Variants in ZDHHC14 observed in about 807,000 individuals in gnomAD.
ZDHHC14 encodes the protein zDHHC palmitoyltransferase 14, also known as palmitoyltransferase ZDHHC14.
Under a neutral mutation model 47.7 loss-of-function variants are expected in ZDHHC14, and 16 were observed. The ratio of observed to expected loss-of-function variants is 0.34; its 90% CI spans 0.23 to 0.51. ZDHHC14 has a LOEUF of 0.51. Ranked by LOEUF, ZDHHC14 falls within the 20% of genes least tolerant of loss-of-function variation. The pLI is 0.97. For synonymous variants in ZDHHC14, 293 were observed against 278.9 expected, an observed-to-expected ratio of 1.05 and a Z score of -0.50; for missense variants, 515 against 662.5, an observed-to-expected ratio of 0.78 and a Z score of 2.44.
rs556008687 is a variant in ZDHHC14 at position 157,423,203 on chromosome 6, G to A, written c.245+40937G>A. On this transcript the variant is annotated intron_variant, in intron 1 of 8. Coordinates refer to ENST00000359775, the MANE Select transcript of ZDHHC14 (RefSeq NM_024630.3). ...CTACTGACTTTTCATGTGACTTTAG[G>A]CCTTAATTTTCCCACCTCAAAAATG... Among the ~76,000 whole-genome samples the A allele has an allele frequency of 4.6e-5, 7 of 152,220 alleles. No homozygotes were observed. The South Asian group carries it at 1.5e-3, about 32-fold the overall frequency.
At chr6:157,604,013 G>A (rs1784436334) in intron 3 of ZDHHC14, among the ~76,000 whole-genome samples, 1 of 152,168 alleles carries the variant, frequency 6.6e-6, no homozygotes, top group Non-Finnish European at 1.5e-5. Flanking sequence ...TATACTAAGA[G>A]AAAAAATTAT....
chr6:157,458,849 ATTTTTTTTT>A (rs750975822), intron 1 of ZDHHC14, among the ~76,000 whole-genome samples: 1 of 81,226 alleles, frequency 1.2e-5, no homozygotes, highest in Non-Finnish European at 2.3e-5. Context: ...ATGTGGGTGG[ATTTTTTTTT>A]TTTTTTTTTT....
chr6:157,487,053 A>G (rs1448444553), intron 1 of ZDHHC14, among the ~76,000 whole-genome samples: 2 of 152,242 alleles, frequency 1.3e-5, no homozygotes, highest in African/African-American at 4.8e-5. Context: ...CATAAGTAAT[A>G]ATTAAAAGAG....
chr6:157,620,661 G>C (rs1445518635), intron 3 of ZDHHC14, among the ~76,000 whole-genome samples: 1 of 152,192 alleles, frequency 6.6e-6, no homozygotes, highest in East Asian at 1.9e-4. Context: ...GGACACAAAG[G>C]CCAGGCCTGG....
At chr6:157,671,959 T>G (rs1258062360) in intron 8 of ZDHHC14, among the ~76,000 whole-genome samples, 5 of 152,242 alleles carry the variant, frequency 3.3e-5, no homozygotes, top group Non-Finnish European at 5.9e-5. Context: ...CCAGGGCTTC[T>G]TCATCTTCCA....
In ZDHHC14 at chr6:157,599,898, AAT is replaced by A. The variant is rs774317566; in HGVS notation, c.565+6757_565+6758del. Among the ~76,000 whole-genome samples, 33 of 152,344 alleles carry A rather than the reference AAT, an allele frequency of 2.2e-4. No individual in the cohort carries two copies. In the Middle Eastern group the frequency reaches 0.01, roughly 47 times the overall value. On this transcript the variant is annotated intron_variant, in intron 3 of 8. Transcript: ENST00000359775. ...AGATGGTTTTCTATAATTATTGAGA[AAT>A]ATATTATTTTGCCGTTGTGTTAACT...
chr6:157,387,427 C>T (rs1330021887), intron 1 of ZDHHC14, among the ~76,000 whole-genome samples: 1 of 152,134 alleles, frequency 6.6e-6, no homozygotes, highest in Non-Finnish European at 1.5e-5. Context: ...TTCTTACCAC[C>T]CCCTGGCCAT....
At chr6:157,637,398 TA>T (rs1230950882) in intron 5 of ZDHHC14, among the ~76,000 whole-genome samples, 3 of 152,206 alleles carry the variant, frequency 2.0e-5, no homozygotes, top group Non-Finnish European at 4.4e-5. Flanking sequence ...AGAGAAATGC[TA>T]AACTCAAGAC....
chr6:157,531,313 C>T (rs1480932085), intron 1 of ZDHHC14, among the ~76,000 whole-genome samples: 1 of 151,974 alleles, frequency 6.6e-6, no homozygotes, highest in African/African-American at 2.4e-5. Context: ...CATGCCGTTC[C>T]AGAGTCCAGT....
rs757342855 is a variant in ZDHHC14, at chr6:157,633,165, G to GT, written c.752+284dup. 3.9e-5 allele frequency among the ~76,000 whole-genome samples: 6 copies of GT among 152,294 alleles called. No homozygotes were observed. In the South Asian group the frequency reaches 1.2e-3, roughly 32 times the overall value. ...TTCAGTCAGGTTGGTTTGGGGAGAAGTAGGGCTGTGAGCTGCAACTGATCT... is the reference window on the plus strand; with the variant it reads ...TTCAGTCAGGTTGGTTTGGGGAGAAGTTAGGGCTGTGAGCTGCAACTGATCT... On this transcript the variant is annotated intron_variant, in intron 5 of 8. Transcript: ENST00000359775.
At chr6:157,495,695 A>ATTTTTTTTTTTTTTTTTTT (rs71027341) in intron 1 of ZDHHC14, among the ~76,000 whole-genome samples, 1 of 104,350 alleles carries the variant, frequency 9.6e-6, no homozygotes, top group Non-Finnish European at 1.9e-5. Flanking sequence ...TTCGGGTTGA[A>ATTTTTTTTTTTTTTTTTTT]TTTTTTTTTT....
At chr6:157,435,867 A>C (rs1778431109) in intron 1 of ZDHHC14, among the ~76,000 whole-genome samples, 1 of 152,124 alleles carries the variant, frequency 6.6e-6, no homozygotes, top group Non-Finnish European at 1.5e-5. Flanking sequence ...ACTGTATCCC[A>C]AGGGCCTGGC....
intron 1 of ZDHHC14, among the ~76,000 whole-genome samples, chr6:157,398,087 C>T (rs540235492): frequency 1.6e-4 from 23 of 147,748 alleles, no homozygotes; most frequent in South Asian, 1.3e-3. Context: ...GCTCCCCAGC[C>T]CCCCCCGGCT....
chr6:157,610,549 G>A (rs1295065824), intron 3 of ZDHHC14, among the ~76,000 whole-genome samples: 5 of 152,086 alleles, frequency 3.3e-5, no homozygotes, highest in African/African-American at 7.2e-5. Flanking sequence ...GGTTCCTGTC[G>A]GTCACTCCTG....
intron 2 of ZDHHC14, among the ~76,000 whole-genome samples, chr6:157,588,417 C>A (rs1386480185): frequency 6.6e-6 from 1 of 152,136 alleles, no homozygotes; most frequent in Admixed American, 6.5e-5. Context: ...TATGATAGCA[C>A]CACTGCACTC....
At chr6:157,537,580 T>C (rs1442472118) in intron 1 of ZDHHC14, among the ~76,000 whole-genome samples, 1 of 152,230 alleles carries the variant, frequency 6.6e-6, no homozygotes, top group Admixed American at 6.5e-5. Context: ...TTATGAAGAC[T>C]AAGATGCCTG....
At chr6:157,614,969 A>T (rs1013811868) in intron 3 of ZDHHC14, among the ~76,000 whole-genome samples, 3 of 151,874 alleles carry the variant, frequency 2.0e-5, no homozygotes, top group African/African-American at 7.3e-5. Context: ...GGATTTCACT[A>T]TGTTGACCAA....
At chr6:157,443,796 G>A (rs1399276773) in intron 1 of ZDHHC14, among the ~76,000 whole-genome samples, 1 of 152,168 alleles carries the variant, frequency 6.6e-6, no homozygotes. Context: ...CTTACTAGCT[G>A]CATGACTTTG....
intron 1 of ZDHHC14, among the ~76,000 whole-genome samples, chr6:157,393,741 C>T (rs1777465957): frequency 6.6e-6 from 1 of 152,132 alleles, no homozygotes; most frequent in Non-Finnish European, 1.5e-5. Flanking sequence ...CTTTTTCTTC[C>T]TTTAACTTCT....
Sources: allele counts gnomAD v4.1 joint callset (sites outside exome capture counted in the v4.1 genomes callset), GRCh38; gene constraint gnomAD v4.1.1; transcripts MANE v1.5; gene names NCBI Gene and HGNC (gene_info 2026-07-23, HGNC 2026-07-21).